The following RASAL2 variants were observed in gnomAD, a reference collection of about 807,000 sequenced individuals.
RASAL2 encodes ras GTPase-activating protein nGAP.
RASAL2 carries 58 observed loss-of-function variants against 128.9 expected under a neutral mutation model. The ratio of observed to expected loss-of-function variants is 0.45; its 90% CI spans 0.36 to 0.56. The LOEUF is 0.56. Ranked by LOEUF, RASAL2 falls within the 20% of genes least tolerant of loss-of-function variation. The probability of loss-of-function intolerance (pLI) is 0.00; values close to 1 mark genes in which losing one functional copy is unlikely to be tolerated. For missense variants in RASAL2, 1,360 were observed against 1,601.6 expected (o/e 0.85, Z 2.57); for synonymous variants, 561 against 580.8 (o/e 0.97, Z 0.49).
chr1:178,300,078 T>C lies in RASAL2; in HGVS notation c.417T>C (p.Gly139=), dbSNP rs935298372. 6.2e-7 allele frequency: 1 copy of C among 1,613,538 alleles called. No homozygotes were observed. The change falls in exon 3 of 18, where the codon GGT becomes GGC. Residue 139 remains glycine (G), a synonymous_variant. Coordinates refer to ENST00000367649, the MANE Select transcript of RASAL2 (RefSeq NM_170692.4). The part of the protein sequence containing the change: ...LRRTVSVPSE[G]QFPEYPPEGA... ...GAACTGTCAGTGTCCCTTCCGAGGGTCAGTTTCCCGAGTACCCACCAGAGG... is the reference window on the plus strand; with the variant it reads ...GAACTGTCAGTGTCCCTTCCGAGGGCCAGTTTCCCGAGTACCCACCAGAGG...
chr1:178,200,377 C>T (rs576069107), intron 1 of RASAL2, among the ~76,000 whole-genome samples: 90 of 152,302 alleles, frequency 5.9e-4, no homozygotes, highest in Non-Finnish European at 2.8e-4. Flanking sequence ...ATTCCTGATG[C>T]GCTGCTCCTG....
chr1:178,234,689 G>T (rs976486104), intron 1 of RASAL2, among the ~76,000 whole-genome samples: 1 of 152,038 alleles, frequency 6.6e-6, no homozygotes, highest in African/African-American at 2.4e-5. Flanking sequence ...CTGGAAGCTT[G>T]GTAGTATCTT....
In RASAL2 at chr1:178,108,978, T is replaced by C. The variant is rs866149048; in HGVS notation, c.202+14284T>C. 7.9e-5 allele frequency among the ~76,000 whole-genome samples: 12 copies of C among 152,324 alleles called. No homozygotes were observed. The Middle Eastern group carries it at 0.017, about 216-fold the overall frequency. On this transcript the variant is annotated intron_variant, in intron 1 of 17. Coordinates refer to ENST00000367649, the MANE Select transcript of RASAL2 (RefSeq NM_170692.4). ...GTATTTTTAGCAGTAATATAAAATA[T>C]GGACTTTTTTTCTATAAAAGCATGT...
chr1:178,210,541 C>A (rs1200711817), intron 1 of RASAL2, among the ~76,000 whole-genome samples: 3 of 152,142 alleles, frequency 2.0e-5, no homozygotes, highest in African/African-American at 7.2e-5. Context: ...GCCAAACCTG[C>A]TGTGAAGTGC....
At chr1:178,213,233 G>A (rs1663315261) in intron 1 of RASAL2, among the ~76,000 whole-genome samples, 1 of 151,918 alleles carries the variant, frequency 6.6e-6, no homozygotes, top group South Asian at 2.1e-4. Flanking sequence ...CTATAGAAAC[G>A]AGGTCTCACT....
intron 1 of RASAL2, among the ~76,000 whole-genome samples, chr1:178,174,464 T>C (rs1003398756): frequency 1.3e-5 from 2 of 152,146 alleles, no homozygotes; most frequent in African/African-American, 4.8e-5. Flanking sequence ...GCTGTACTTT[T>C]CTAACACATG....
intron 1 of RASAL2, among the ~76,000 whole-genome samples, chr1:178,272,237 T>A (rs1666295025): frequency 6.6e-6 from 1 of 152,144 alleles, no homozygotes; most frequent in Non-Finnish European, 1.5e-5. Flanking sequence ...AAATACTCAT[T>A]GAACTTAAAA....
chr1:178,312,334 A>G (rs1668299418), intron 3 of RASAL2, among the ~76,000 whole-genome samples: 1 of 152,216 alleles, frequency 6.6e-6, no homozygotes. Flanking sequence ...AGGATCAGAA[A>G]GGCTGCGGAC....
chr1:178,101,440 G>C (rs1323906116), intron 1 of RASAL2, among the ~76,000 whole-genome samples: 2 of 152,004 alleles, frequency 1.3e-5, no homozygotes, highest in Non-Finnish European at 2.9e-5. Flanking sequence ...AACATTGCTC[G>C]AGTTCCATTC....
chr1:178,158,428 T>C (rs567138950), intron 1 of RASAL2, among the ~76,000 whole-genome samples: 4 of 152,330 alleles, frequency 2.6e-5, no homozygotes, highest in African/African-American at 9.6e-5. Context: ...ACATAGCAAG[T>C]ACTCCATGAA....
chr1:178,097,566 T>C (rs181540864), intron 1 of RASAL2, among the ~76,000 whole-genome samples: 1 of 152,212 alleles, frequency 6.6e-6, no homozygotes, highest in Non-Finnish European at 1.5e-5. Flanking sequence ...GCGATGTTGC[T>C]TAGGTCTAGT....
At chr1:178,287,600 A>G in intron 2 of RASAL2, among the ~76,000 whole-genome samples, 1 of 152,206 alleles carries the variant, frequency 6.6e-6, no homozygotes, top group Admixed American at 6.5e-5. Flanking sequence ...CCAAATGCCC[A>G]TCAATCAAGG....
intron 1 of RASAL2, among the ~76,000 whole-genome samples, chr1:178,239,919 TA>T (rs1278945963): frequency 6.6e-6 from 1 of 152,088 alleles, no homozygotes. Context: ...CCTAGCTTAT[TA>T]AAAACAGATG....
intron 3 of RASAL2, among the ~76,000 whole-genome samples, chr1:178,327,786 T>G (rs1239140003): frequency 6.6e-6 from 1 of 152,094 alleles, no homozygotes; most frequent in Non-Finnish European, 1.5e-5. Context: ...GTAGGTATAA[T>G]TAAAAATCTC....
At chr1:178,421,391 C>T (rs1283323729) in intron 5 of RASAL2, among the ~76,000 whole-genome samples, 1 of 152,064 alleles carries the variant, frequency 6.6e-6, no homozygotes, top group Non-Finnish European at 1.5e-5. Context: ...ATTTTGGAAA[C>T]AGTGCTTGTG....
At chr1:178,257,286 T>C (rs979056982) in intron 1 of RASAL2, among the ~76,000 whole-genome samples, 2 of 152,102 alleles carry the variant, frequency 1.3e-5, no homozygotes, top group Admixed American at 1.3e-4. Flanking sequence ...ATTCTAAAAT[T>C]TATATGGAAT....
intron 3 of RASAL2, among the ~76,000 whole-genome samples, chr1:178,337,593 C>A (rs1669655478): frequency 6.6e-6 from 1 of 152,078 alleles, no homozygotes; most frequent in African/African-American, 2.4e-5. Flanking sequence ...AGCTCAAGAG[C>A]CAGCACACTT....
intron 1 of RASAL2, among the ~76,000 whole-genome samples, chr1:178,175,430 A>C (rs1033385903): frequency 1.1e-5 from 1 of 91,294 alleles, no homozygotes; most frequent in African/African-American, 4.4e-5. Context: ...GTGTATATAC[A>C]TGGTTACGTG....
intron 1 of RASAL2, among the ~76,000 whole-genome samples, chr1:178,196,650 G>A (rs1382339905): frequency 1.3e-5 from 2 of 152,192 alleles, no homozygotes; most frequent in East Asian, 1.9e-4. Context: ...TGCCTGGGCT[G>A]TATGCAAATA....
Sources: gnomAD v4.1 joint callset for allele counts (sites outside exome capture counted in the v4.1 genomes callset) on GRCh38, gnomAD v4.1.1 for gene constraint, MANE v1.5 for transcripts, NCBI Gene and HGNC (gene_info 2026-07-23, HGNC 2026-07-21) for gene names.